The following UPF2 variants were observed in gnomAD, a reference collection of about 807,000 sequenced individuals.
The protein encoded by UPF2 is UPF2 regulator of nonsense mediated mRNA decay.
UPF2 carries 17 observed loss-of-function variants against 141.4 expected under a neutral mutation model. The ratio of observed to expected loss-of-function variants is 0.12; its 90% confidence interval spans 0.08 to 0.18. UPF2 has a LOEUF of 0.18. Ranked by LOEUF, UPF2 falls within the 10% of genes least tolerant of loss-of-function variation. The pLI is 1.00. For synonymous variants in UPF2, 540 were observed against 498.0 expected (o/e 1.08, Z -1.12); for missense variants, 1,152 against 1,515.9 (o/e 0.76, Z 3.99).
At chr10:11,947,230 A>C (rs1486081419) in intron 16 of UPF2, among the ~76,000 whole-genome samples, 3 of 152,124 alleles carry the variant, frequency 2.0e-5, no homozygotes, top group Non-Finnish European at 4.4e-5. Context: ...AAGAATTAAA[A>C]CTGCTAGTTT....
rs139062017 is a variant in UPF2, at chr10:11,948,247, CAAAAAAAAAAAA to C, written c.3174+110_3174+121del. On this transcript the variant is annotated intron_variant, in intron 16 of 21. Coordinates refer to ENST00000357604, the MANE Select transcript of UPF2 (RefSeq NM_015542.4). ...TGGGCGACAGAGCAAGACTCTGTCT[CAAAAAAAAAAAA>C]AAAAAAAAAAACCAGGAGGAGGTCT... 8.0e-5 allele frequency: 38 copies of C among 472,726 alleles called. No homozygotes were observed. The African/African-American group carries it at 9.7e-4, about 12-fold the overall frequency. 29.3% of individuals were successfully genotyped at this position (472,726 alleles called of 1,614,324 possible).
Position 11,967,440 on chromosome 10 carries a change from G to C in UPF2, c.1968C>G (p.Asp656Glu). The stretch of plus-strand genomic sequence containing the variant: ...TATTCTTTGTTTCAATATTGATCTG[G>C]TCCTTTTTCCGTACCTAAAAATTAA... ...GDFRFHVRKKDQINIETKNKT... is the reference protein window; with the variant it reads ...GDFRFHVRKKEQINIETKNKT... Residue 656 changes from aspartate (D) to glutamate (E), a missense_variant, in exon 10 of 22, where the codon GAC (aspartate) becomes GAG (glutamate). By Grantham distance (45) the Asp-to-Glu change is conservative. Coordinates refer to ENST00000357604, the MANE Select transcript of UPF2 (RefSeq NM_015542.4). 6.4e-7 allele frequency: 1 copy of C among 1,565,506 alleles called. No homozygotes were observed. The highest frequency in any genetic ancestry group is 1.4e-5 in the African/African-American group (1 of 71,504).
chr10:11,929,781 A>G, intron 21 of UPF2, 84 bp downstream of exon 21: 1 of 1,522,030 alleles, frequency 6.6e-7, no homozygotes, highest in Non-Finnish European at 8.8e-7. Flanking sequence ...GCCTTTGCCA[A>G]AAACTATAAT....
intron 6 of UPF2, 143 bp from the exon 7 acceptor site, chr10:12,000,152 TC>T: frequency 1.5e-6 from 1 of 658,772 alleles, no homozygotes; most frequent in East Asian, 2.8e-5. Context: ...TAGAATATTA[TC>T]CTAGAAAGTT....
intron 2 of UPF2, among the ~76,000 whole-genome samples, chr10:12,032,150 C>A (rs546403939): frequency 2.6e-5 from 4 of 151,070 alleles, no homozygotes; most frequent in Admixed American, 6.6e-5. Context: ...AAAAATTAGC[C>A]GGGCATGGTG....
chr10:12,015,973 A>G (rs1212425405), intron 3 of UPF2, among the ~76,000 whole-genome samples: 1 of 152,172 alleles, frequency 6.6e-6, no homozygotes, highest in Non-Finnish European at 1.5e-5. Context: ...TTCTCTAAAA[A>G]TATTGTCATT....
At chr10:12,010,737 A>G (rs1834112527) in intron 4 of UPF2, among the ~76,000 whole-genome samples, 1 of 152,158 alleles carries the variant, frequency 6.6e-6, no homozygotes, top group African/African-American at 2.4e-5. Flanking sequence ...AAGAAGTTCA[A>G]GGAACCCGAA....
chr10:11,948,384 A>G lies in UPF2; in HGVS notation c.3159T>C (p.Asn1053=). 1.3e-6 allele frequency: 2 copies of G among 1,591,960 alleles called. No individual in the cohort carries two copies. Among genetic ancestry groups the G allele is most frequent in the East Asian group, 2.2e-5 (1 of 44,718 alleles). Residue 1053 remains asparagine, a synonymous_variant, in exon 16 of 22, where the codon AAT becomes AAC. Transcript: ENST00000357604. The part of the protein sequence containing the change: ...EEQSGNESEV[N]EPEEEEGSDN... ...AAGTCATCACCTCTTCTTCTGGCTC[A>G]TTTACTTCACTTTCATTTCCAGATT...
intron 9 of UPF2, among the ~76,000 whole-genome samples, chr10:11,976,763 A>G (rs1414672095): frequency 6.6e-6 from 1 of 152,244 alleles, no homozygotes; most frequent in Non-Finnish European, 1.5e-5. Context: ...GGAGATTAAG[A>G]ATAGTAACAC....
Position 11,930,005 on chromosome 10 carries a change from A to G in UPF2, c.3689-20T>C. 6.2e-7 allele frequency: 1 copy of G among 1,614,054 alleles called. No individual in the cohort carries two copies. Among genetic ancestry groups the G allele is most frequent in the Non-Finnish European group, 8.5e-7 (1 of 1,179,922 alleles). On this transcript the variant is annotated intron_variant, in intron 20 of 21. Coordinates refer to ENST00000357604, the MANE Select transcript of UPF2 (RefSeq NM_015542.4). The stretch of plus-strand genomic sequence containing the variant: ...ACATTTCTGTAATTAGGAGCAAAAA[A>G]AGAGAATGCTGTTAACTCTTAGAAA...
At chr10:12,000,047 AAG>A in intron 6 of UPF2, 38 bp from the exon 7 acceptor site, 1 of 1,495,218 alleles carries the variant, frequency 6.7e-7, no homozygotes, top group Non-Finnish European at 9.1e-7. Context: ...TTAAAAAAAA[AAG>A]AGAACACAGA....
intron 15 of UPF2, 58 bp downstream of exon 15, chr10:11,952,008 T>C (rs1833081199): frequency 6.4e-7 from 1 of 1,553,108 alleles, no homozygotes; most frequent in Non-Finnish European, 8.9e-7. Context: ...ATAAAGCAAA[T>C]TCCAGAAATA....
chr10:11,972,081 A>AC (rs1491400595), intron 9 of UPF2, among the ~76,000 whole-genome samples: 169 of 146,480 alleles, frequency 1.2e-3, no homozygotes, highest in African/African-American at 3.4e-3. Context: ...AAAAAAAAAA[A>AC]ACACACAAAA....
Position 11,977,013 on chromosome 10 carries a change from C to T in UPF2, c.1953+2044G>A, listed in dbSNP as rs796680739. Among the ~76,000 whole-genome samples the T allele has an allele frequency of 3.9e-5, 6 of 152,258 alleles. 1 individual carries two copies. The highest frequency in any genetic ancestry group is 1.2e-4 in the African/African-American group (5 of 41,556). Reference sequence around the variant, plus strand: ...AGCATGTGGTGGAGCCAGAGGCAGGCTTCCTAGAACACCGGAGAGTGGGGC... The same window carrying T: ...AGCATGTGGTGGAGCCAGAGGCAGGTTTCCTAGAACACCGGAGAGTGGGGC... On this transcript the variant is annotated intron_variant, in intron 9 of 21. Transcript: ENST00000357604.
chr10:12,032,158 G>T (rs745495151), intron 2 of UPF2, among the ~76,000 whole-genome samples: 1 of 152,098 alleles, frequency 6.6e-6, no homozygotes, highest in Non-Finnish European at 1.5e-5. Context: ...GCCGGGCATG[G>T]TGGCACATGC....
intron 18 of UPF2, among the ~76,000 whole-genome samples, chr10:11,938,853 G>GTTTGTTTTTTTTTTTTTTTTTTTTTTT (rs1832889677): frequency 1.3e-5 from 1 of 79,816 alleles, no homozygotes; most frequent in African/African-American, 5.0e-5. Context: ...TTTTTTTTTT[G>GTTTGTTTTTTTTTTTTTTTTTTTTTTT]TTTTTTTTTT....
Position 11,998,408 on chromosome 10 carries a change from G to A in UPF2, c.1759-651C>T, listed in dbSNP as rs1269654729. 6.6e-6 allele frequency among the ~76,000 whole-genome samples: 1 copy of A among 152,024 alleles called. No homozygotes were observed. Among genetic ancestry groups the A allele is most frequent in the Admixed American group, 6.6e-5 (1 of 15,236 alleles). On this transcript the variant is annotated intron_variant, in intron 7 of 21. Transcript: ENST00000357604. This position sits in a 1 kb window ranked among gnomAD's most constrained non-coding sequence, Gnocchi z 4.5. ...CTGGACAGACTTTTTTCTGAGACAA[G>A]GTCTCACTCTGTCACCCAGGCTGGG...
rs979717645 is a variant in UPF2, at chr10:11,995,333, A to C, written c.1844+2339T>G. On this transcript the variant is annotated intron_variant, in intron 8 of 21. Transcript: ENST00000357604. Reference sequence around the variant, plus strand: ...GAATGGTTAGAATTAAGACTGAAGAAGTTGAAAACCAGCTAGCTAAGAAAG... The same window carrying C: ...GAATGGTTAGAATTAAGACTGAAGACGTTGAAAACCAGCTAGCTAAGAAAG... Among the ~76,000 whole-genome samples, 5 of 152,196 alleles carry C rather than the reference A, an allele frequency of 3.3e-5. No homozygotes were observed. The East Asian group carries it at 9.6e-4, about 29-fold the overall frequency.
intron 8 of UPF2, among the ~76,000 whole-genome samples, chr10:11,984,735 A>T (rs2131237736): frequency 1.3e-5 from 2 of 151,468 alleles, no homozygotes; most frequent in Non-Finnish European, 3.0e-5. Flanking sequence ...AAAAAAAAAA[A>T]AGAGTCTCAC....
Sources: allele counts gnomAD v4.1 joint callset (sites outside exome capture counted in the v4.1 genomes callset), GRCh38; gene constraint gnomAD v4.1.1; non-coding constraint Gnocchi (gnomAD v3.1); transcripts MANE v1.5; gene names NCBI Gene and HGNC (gene_info 2026-07-23, HGNC 2026-07-21).